KCND3: variants seen among roughly 807,000 people sequenced by gnomAD.
KCND3 encodes the protein potassium voltage-gated channel subfamily D member 3.
KCND3 carries 9 observed loss-of-function variants against 51.1 expected under a neutral mutation model. The observed-to-expected ratio is 0.18, with a 90% confidence interval of 0.11 to 0.31. The LOEUF (loss-of-function observed/expected upper bound fraction) is 0.31, where lower values mean the gene tolerates loss of function less well. Ranked by LOEUF, KCND3 falls within the 10% of genes least tolerant of loss-of-function variation. The probability of loss-of-function intolerance (pLI) is 1.00; values close to 1 mark genes in which losing one functional copy is unlikely to be tolerated. For missense variants in KCND3, 526 were observed against 903.8 expected, an observed-to-expected ratio of 0.58 and a Z score of 5.36; for synonymous variants, 349 against 368.0, an observed-to-expected ratio of 0.95 and a Z score of 0.59.
At chr1:111,937,910 A>G (rs1478587450) in intron 2 of KCND3, among the ~76,000 whole-genome samples, 1 of 152,182 alleles carries the variant, frequency 6.6e-6, no homozygotes, top group Non-Finnish European at 1.5e-5. Flanking sequence ...GCTTTTCTAA[A>G]GTTACCACAT....
At position 111,891,626 on chromosome 1, in the gene KCND3, C is replaced by T. The variant is rs60526645; in HGVS notation, c.1106+89995G>A. On this transcript the variant is annotated intron_variant, in intron 2 of 7. Transcript: ENST00000302127. ...GTCCCCATCTCCCTCTCTGCTTTACCGTTCTCCATCACATGGGTTACCAGC... is the reference window on the plus strand; with the variant it reads ...GTCCCCATCTCCCTCTCTGCTTTACTGTTCTCCATCACATGGGTTACCAGC... Among the ~76,000 whole-genome samples the T allele has an allele frequency of 2.9e-3, 437 of 152,304 alleles. 3 individuals are homozygous for T. The highest frequency in any genetic ancestry group is 1.0e-2 in the African/African-American group (415 of 41,574).
chr1:111,802,573 T>C (rs1665366834), intron 2 of KCND3, among the ~76,000 whole-genome samples: 1 of 152,226 alleles, frequency 6.6e-6, no homozygotes, highest in South Asian at 2.1e-4. Context: ...ATGGTTAATA[T>C]GCACTCACAG....
chr1:111,783,523 C>G (rs954296510), intron 3 of KCND3, among the ~76,000 whole-genome samples: 3 of 152,188 alleles, frequency 2.0e-5, no homozygotes, highest in Admixed American at 2.0e-4. Context: ...TGGGAGGCCT[C>G]TCACAATTAA....
At chr1:111,838,032 T>C (rs2101634328) in intron 2 of KCND3, among the ~76,000 whole-genome samples, 1 of 152,150 alleles carries the variant, frequency 6.6e-6, no homozygotes, top group East Asian at 1.9e-4. Flanking sequence ...GAGGTCAACC[T>C]TGCTCACCTG....
At chr1:111,867,055 G>C (rs901457783) in intron 2 of KCND3, among the ~76,000 whole-genome samples, 26 of 152,298 alleles carry the variant, frequency 1.7e-4, no homozygotes, top group Admixed American at 1.5e-3. Context: ...TCTTGGATAA[G>C]TTACCTAACT....
intron 2 of KCND3, among the ~76,000 whole-genome samples, chr1:111,903,990 G>A (rs1414530004): frequency 6.6e-6 from 1 of 152,210 alleles, no homozygotes; most frequent in African/African-American, 2.4e-5. Context: ...TGAGCGGAAG[G>A]ACAAGCAATT....
chr1:111,864,725 G>A (rs1191126053), intron 2 of KCND3, among the ~76,000 whole-genome samples: 2 of 152,176 alleles, frequency 1.3e-5, no homozygotes, highest in African/African-American at 4.8e-5. Flanking sequence ...AGGTCAAGCA[G>A]CTTCCCAAAC....
chr1:111,830,997 T>C (rs1666806470), intron 2 of KCND3, among the ~76,000 whole-genome samples: 1 of 152,234 alleles, frequency 6.6e-6, no homozygotes, highest in South Asian at 2.1e-4. Flanking sequence ...TAATAAGCAC[T>C]GGTTGCATGA....
At chr1:111,831,180 G>T (rs1666817951) in intron 2 of KCND3, among the ~76,000 whole-genome samples, 4 of 151,876 alleles carry the variant, frequency 2.6e-5, no homozygotes, top group Admixed American at 2.6e-4. Context: ...CCTTTCACAG[G>T]CTCAAAACTC....
At chr1:111,961,167 A>G (rs1673633738) in intron 2 of KCND3, among the ~76,000 whole-genome samples, 1 of 152,216 alleles carries the variant, frequency 6.6e-6, no homozygotes, top group Non-Finnish European at 1.5e-5. Context: ...CTGGCTGGCC[A>G]CAGAGGGGCC....
intron 2 of KCND3, among the ~76,000 whole-genome samples, chr1:111,806,872 C>T (rs1665594318): frequency 6.6e-6 from 1 of 152,168 alleles, no homozygotes; most frequent in Admixed American, 6.5e-5. Context: ...TAAATAAATA[C>T]CCTACACTTC....
In KCND3 at chr1:111,778,640, C is replaced by T. The variant is rs1056694593; in HGVS notation, c.1462-148G>A. 4 of 796,682 alleles carry T rather than the reference C, an allele frequency of 5.0e-6. No individual in the cohort carries two copies. The African/African-American group carries it at 5.1e-5, about 10-fold the overall frequency. The allele number at this position is 796,682 out of a possible 1,614,324, so 49.4% of individuals were successfully genotyped here. On this transcript the variant is annotated intron_variant, in intron 5 of 7. Coordinates refer to ENST00000302127, the MANE Select transcript of KCND3 (RefSeq NM_001378969.1). ...ACCCCTCATTCCCAGCATTCTGCCC[C>T]CTTCCTCCCAACATTCCACCCTTTA...
chr1:111,902,826 G>A lies in KCND3; in HGVS notation c.1106+78795C>T, dbSNP rs537721846. Among the ~76,000 whole-genome samples, 7 of 152,244 alleles carry A rather than the reference G, an allele frequency of 4.6e-5. No homozygotes were observed. In the South Asian group the frequency reaches 1.5e-3, roughly 32 times the overall value. On this transcript the variant is annotated intron_variant, in intron 2 of 7. Coordinates refer to ENST00000302127, the MANE Select transcript of KCND3 (RefSeq NM_001378969.1). ...TAATACTGTGCCTGGAATATACTAG[G>A]TACTCAGTAAATAATATGATTAGTA...
rs17028578 is a variant in KCND3 at position 111,802,181 on chromosome 1, C to T, written c.1107-15075G>A. ...TTCTTCTGCATGAAACAACTTGGGC[C>T]ATGGTTGGGCTGCTCACATCATCGG... On this transcript the variant is annotated intron_variant, in intron 2 of 7. Transcript: ENST00000302127. Among the ~76,000 whole-genome samples the T allele has an allele frequency of 7.5e-3, 1,143 of 152,362 alleles. 18 individuals carry two copies. The highest frequency in any genetic ancestry group is 0.026 in the African/African-American group (1,100 of 41,580).
At chr1:111,915,874 AAAAC>A (rs1182182782) in intron 2 of KCND3, among the ~76,000 whole-genome samples, 1 of 152,152 alleles carries the variant, frequency 6.6e-6, no homozygotes, top group Non-Finnish European at 1.5e-5. Context: ...ATTAAAAAAA[AAAAC>A]AAAACCCTAA....
chr1:111,899,630 C>T (rs1670288171), intron 2 of KCND3, among the ~76,000 whole-genome samples: 1 of 152,224 alleles, frequency 6.6e-6, no homozygotes. Flanking sequence ...TAGACCACCC[C>T]TTAAAAGTCA....
chr1:111,900,728 G>A (rs1670344077), intron 2 of KCND3, among the ~76,000 whole-genome samples: 1 of 151,930 alleles, frequency 6.6e-6, no homozygotes, highest in South Asian at 2.1e-4. Flanking sequence ...AGGCCGAGGT[G>A]GGCGGATCAC....
intron 2 of KCND3, among the ~76,000 whole-genome samples, chr1:111,801,747 A>G (rs543249377): frequency 2.6e-5 from 4 of 152,312 alleles, no homozygotes; most frequent in African/African-American, 9.6e-5. Flanking sequence ...GGCATTCCCC[A>G]CGCTGTGCTG....
intron 2 of KCND3, among the ~76,000 whole-genome samples, chr1:111,813,943 T>A (rs1235293911): frequency 6.6e-6 from 1 of 152,100 alleles, no homozygotes; most frequent in Non-Finnish European, 1.5e-5. Context: ...AACATCTCCC[T>A]CTGCTGGGGG....
Sources: gnomAD v4.1 joint callset for allele counts (sites outside exome capture counted in the v4.1 genomes callset) on GRCh38, gnomAD v4.1.1 for gene constraint, MANE v1.5 for transcripts, NCBI Gene and HGNC (gene_info 2026-07-23, HGNC 2026-07-21) for gene names.